Variants in RPH3A observed in about 807,000 individuals in gnomAD.
RPH3A encodes the protein rabphilin-3A.
Under a neutral mutation model 102.2 loss-of-function variants are expected in RPH3A, and 48 were observed. The observed-to-expected ratio is 0.47, with a 90% CI of 0.37 to 0.60. The LOEUF is 0.60. Ranked by LOEUF, RPH3A falls within the 20% of genes least tolerant of loss-of-function variation. The pLI, the probability that RPH3A is intolerant of heterozygous loss-of-function variation, is 0.00. For synonymous variants in RPH3A, 310 were observed against 324.3 expected, an observed-to-expected ratio of 0.96 and a Z score of 0.47; for missense variants, 781 against 910.1, an observed-to-expected ratio of 0.86 and a Z score of 1.83.
At chr12:112,866,687 G>C (rs899853193) in intron 6 of RPH3A, 70 bp from the exon 7 acceptor site, 1 of 1,272,032 alleles carries the variant, frequency 7.9e-7, no homozygotes, top group Admixed American at 1.9e-5. Context: ...AAGAGAAAGT[G>C]GGGGGCTACG....
chr12:112,602,695 G>A (rs770023085), intron 1 of RPH3A, among the ~76,000 whole-genome samples: 16 of 152,058 alleles, frequency 1.1e-4, no homozygotes, highest in Non-Finnish European at 1.9e-4. Flanking sequence ...AGGCTGAAGC[G>A]GGAGGATTGC....
chr12:112,838,458 G>T (rs572921881), intron 4 of RPH3A, among the ~76,000 whole-genome samples: 26 of 152,320 alleles, frequency 1.7e-4, no homozygotes, highest in African/African-American at 5.1e-4. Context: ...TGGGCAAAAG[G>T]TTCTGTGGTG....
At chr12:112,892,497 T>G (rs1411862818) in intron 19 of RPH3A, among the ~76,000 whole-genome samples, 1 of 152,212 alleles carries the variant, frequency 6.6e-6, no homozygotes, top group East Asian at 1.9e-4. Flanking sequence ...GGAGAATCCT[T>G]GAGCACAGTC....
intron 1 of RPH3A, among the ~76,000 whole-genome samples, chr12:112,732,586 T>C (rs115697444): frequency 0.012 from 1,842 of 152,192 alleles, 39 homozygotes; most frequent in African/African-American, 0.042. Context: ...GGATCCACCC[T>C]AGTGGGAAGG....
intron 1 of RPH3A, among the ~76,000 whole-genome samples, chr12:112,727,834 A>T (rs1043015147): frequency 1.3e-5 from 2 of 152,170 alleles, no homozygotes; most frequent in Non-Finnish European, 1.5e-5. Context: ...AGCCAGTTTG[A>T]GCAGGGTTCT....
intron 1 of RPH3A, among the ~76,000 whole-genome samples, chr12:112,668,902 C>T (rs1390385961): frequency 6.6e-6 from 1 of 152,088 alleles, no homozygotes; most frequent in Non-Finnish European, 1.5e-5. Context: ...CTCAGAACTC[C>T]TCATGGCTTT....
chr12:112,677,395 CTCCCTCCCTCCCTCCT>C (rs2040185644), intron 1 of RPH3A, among the ~76,000 whole-genome samples: 1 of 67,226 alleles, frequency 1.5e-5, no homozygotes, highest in South Asian at 9.7e-4. Flanking sequence ...CCCTCCCTCC[CTCCCTCCCTCCCTCCT>C]TCCCTCCTTC....
intron 1 of RPH3A, among the ~76,000 whole-genome samples, chr12:112,670,947 G>A (rs1450752380): frequency 6.6e-6 from 1 of 152,064 alleles, no homozygotes; most frequent in Non-Finnish European, 1.5e-5. Flanking sequence ...TGCAAAGGGC[G>A]TGCATATAGG....
intron 1 of RPH3A, among the ~76,000 whole-genome samples, chr12:112,737,998 C>G (rs530518009): frequency 6.6e-6 from 1 of 152,212 alleles, no homozygotes; most frequent in Non-Finnish European, 1.5e-5. Context: ...AATGGAGCAG[C>G]AGTGAGGGCT....
chr12:112,868,030 A>T (rs2042641224), intron 7 of RPH3A: 1 of 169,008 alleles, frequency 5.9e-6, no homozygotes, highest in Non-Finnish European at 1.3e-5. Flanking sequence ...GAAAGGCCAG[A>T]GGTCTTGGGG....
intron 1 of RPH3A, among the ~76,000 whole-genome samples, chr12:112,771,478 A>G (rs2040927240): frequency 6.6e-6 from 1 of 152,204 alleles, no homozygotes; most frequent in African/African-American, 2.4e-5. Context: ...GGACATTTAT[A>G]TTGCTTCCCT....
intron 2 of RPH3A, among the ~76,000 whole-genome samples, chr12:112,814,142 C>T (rs915315797): frequency 2.0e-5 from 3 of 151,312 alleles, no homozygotes; most frequent in South Asian, 4.2e-4. Flanking sequence ...TGTGTATGTG[C>T]GTGTGTTTGC....
intron 1 of RPH3A, among the ~76,000 whole-genome samples, chr12:112,589,364 A>G (rs745818818): frequency 6.6e-6 from 1 of 152,166 alleles, no homozygotes; most frequent in Non-Finnish European, 1.5e-5. Flanking sequence ...ATCTGTCCTC[A>G]ACTCTGCTCC....
chr12:112,720,774 TC>T (rs2040545363), intron 1 of RPH3A, among the ~76,000 whole-genome samples: 1 of 152,174 alleles, frequency 6.6e-6, no homozygotes, highest in Non-Finnish European at 1.5e-5. Flanking sequence ...TATGCAGGTA[TC>T]ATATTGAGCA....
chr12:112,691,659 C>T lies in RPH3A; in HGVS notation c.-139-100484C>T, dbSNP rs114722211. 2.0e-3 allele frequency among the ~76,000 whole-genome samples: 310 copies of T among 152,272 alleles called. 2 individuals carry two copies. The highest frequency in any genetic ancestry group is 6.8e-3 in the African/African-American group (282 of 41,534). ...ATTATTTACCTTCCCTTAGCCTTAG[C>T]GTCTTCACCTGCAAAATGAGAATAA... On this transcript the variant is annotated intron_variant, in intron 1 of 21. Coordinates refer to the RPH3A transcript ENST00000543106.
chr12:112,627,321 A>G (rs1235975341), intron 1 of RPH3A, among the ~76,000 whole-genome samples: 1 of 149,954 alleles, frequency 6.7e-6, no homozygotes, highest in East Asian at 1.9e-4. Context: ...TATGTAATAT[A>G]TAGTATTTAT....
intron 2 of RPH3A, among the ~76,000 whole-genome samples, chr12:112,823,990 T>G (rs1283886920): frequency 6.6e-6 from 1 of 152,228 alleles, no homozygotes; most frequent in Non-Finnish European, 1.5e-5. Context: ...AGCAGAACCA[T>G]GCTTCCCTGA....
intron 1 of RPH3A, among the ~76,000 whole-genome samples, chr12:112,701,751 C>T (rs2040396146): frequency 6.6e-6 from 1 of 152,172 alleles, no homozygotes; most frequent in South Asian, 2.1e-4. Context: ...AGTAATGAAA[C>T]ATAACAAAGA....
intron 2 of RPH3A, among the ~76,000 whole-genome samples, chr12:112,826,209 G>A (rs571661174): frequency 3.9e-5 from 6 of 152,294 alleles, no homozygotes; most frequent in Admixed American, 6.5e-5. Flanking sequence ...ACAGGCATCT[G>A]CAAGAAGGCT....
Sources: allele counts gnomAD v4.1 joint callset (sites outside exome capture counted in the v4.1 genomes callset), GRCh38; gene constraint gnomAD v4.1.1; transcripts MANE v1.5; gene names NCBI Gene and HGNC (gene_info 2026-07-23, HGNC 2026-07-21).